CFAP54: variants seen among roughly 807,000 people sequenced by gnomAD.
CFAP54 encodes cilia- and flagella-associated protein 54.
Under a neutral mutation model 370.4 loss-of-function variants are expected in CFAP54, and 290 were observed. The ratio of observed to expected loss-of-function variants is 0.78; its 90% confidence interval spans 0.71 to 0.86. The LOEUF (loss-of-function observed/expected upper bound fraction) is 0.86, where lower values mean the gene tolerates loss of function less well. Among genes scored for constraint, CFAP54 ranks in the 40% least tolerant of loss-of-function variants. The pLI is 0.00. For synonymous variants in CFAP54, 1,206 were observed against 1,236.5 expected (o/e 0.98, Z 0.52); for missense variants, 3,399 against 3,528.7 (o/e 0.96, Z 0.93).
intron 15 of CFAP54, among the ~76,000 whole-genome samples, chr12:96,548,394 AC>A (rs1243382830): frequency 6.6e-6 from 1 of 151,748 alleles, no homozygotes; most frequent in Non-Finnish European, 1.5e-5. Flanking sequence ...ATAACATGCC[AC>A]CCCCCCTCAC....
chr12:96,687,109 C>T (rs907172281), intron 42 of CFAP54, among the ~76,000 whole-genome samples: 1 of 152,264 alleles, frequency 6.6e-6, no homozygotes. Context: ...TTCCCCCACA[C>T]CTGCCTCTCT....
At chr12:96,536,926 C>A (rs752286422) in intron 12 of CFAP54, among the ~76,000 whole-genome samples, 1 of 152,000 alleles carries the variant, frequency 6.6e-6, no homozygotes, top group Non-Finnish European at 1.5e-5. Flanking sequence ...CTGTGCCTGG[C>A]CCTCATTAAT....
At chr12:96,784,071 C>T (rs1958606418) in intron 60 of CFAP54, among the ~76,000 whole-genome samples, 1 of 152,144 alleles carries the variant, frequency 6.6e-6, no homozygotes, top group Admixed American at 6.5e-5. Context: ...AATGATTAGA[C>T]TCCTGTTTAT....
chr12:96,789,432 T>C (rs922196523), intron 62 of CFAP54, among the ~76,000 whole-genome samples: 5 of 152,186 alleles, frequency 3.3e-5, no homozygotes, highest in African/African-American at 1.2e-4. Context: ...ACTGAGACTA[T>C]TTTTGAGGAT....
At chr12:96,534,532 T>C (rs763943775) in intron 11 of CFAP54, among the ~76,000 whole-genome samples, 11 of 152,160 alleles carry the variant, frequency 7.2e-5, no homozygotes, top group African/African-American at 9.7e-5. Flanking sequence ...TCCGGCTTAG[T>C]TGGATAAGAG....
intron 52 of CFAP54, 143 bp downstream of exon 52, chr12:96,742,729 T>C (rs934422898): frequency 4.2e-5 from 35 of 840,724 alleles, no homozygotes; most frequent in Non-Finnish European, 6.1e-5. Context: ...TTCAGGTTAT[T>C]AATATATAGG....
At chr12:96,595,094 A>G (rs1238451198) in intron 25 of CFAP54, among the ~76,000 whole-genome samples, 1 of 152,026 alleles carries the variant, frequency 6.6e-6, no homozygotes, top group African/African-American at 2.4e-5. Context: ...TCCTTTTCTG[A>G]GTTCACTGTT....
intron 42 of CFAP54, 33 bp downstream of exon 42, chr12:96,685,271 G>A: frequency 6.3e-7 from 1 of 1,594,612 alleles, no homozygotes; most frequent in Admixed American, 1.7e-5. Context: ...CCCCGTACTA[G>A]CTAACAGCTT....
chr12:96,527,532 C>A, intron 9 of CFAP54, 88 bp downstream of exon 9: 1 of 753,438 alleles, frequency 1.3e-6, no homozygotes, highest in Non-Finnish European at 1.9e-6. Flanking sequence ...ACATAGGAAA[C>A]TGATAACATT....
chr12:96,738,736 A>G (rs1032169138), intron 50 of CFAP54, among the ~76,000 whole-genome samples: 3 of 148,856 alleles, frequency 2.0e-5, no homozygotes, highest in East Asian at 2.1e-4. Flanking sequence ...TCAGCCTCCC[A>G]AGTAGCTAGG....
intron 5 of CFAP54, among the ~76,000 whole-genome samples, chr12:96,513,705 T>C (rs1955199055): frequency 6.6e-6 from 1 of 152,004 alleles, no homozygotes; most frequent in African/African-American, 2.4e-5. Context: ...CGTGCCACTT[T>C]GCACTCTAGC....
intron 64 of CFAP54, among the ~76,000 whole-genome samples, chr12:96,814,403 A>C (rs984839102): frequency 2.6e-5 from 4 of 152,210 alleles, no homozygotes; most frequent in African/African-American, 9.7e-5. Context: ...AGGGTCAGAG[A>C]GATTAAGTGA....
At position 96,742,457 on chromosome 12, in the gene CFAP54, G is replaced by T; in HGVS notation, c.7090G>T (p.Asp2364Tyr). Residue 2364 changes from aspartate to tyrosine, a missense_variant, in exon 52 of 68, where the codon GAC (aspartate) becomes TAC (tyrosine). This residue lies in a region of CFAP54 where 2,796 missense variants were observed against 2,869.7 expected (regional missense o/e 0.97). Coordinates refer to ENST00000524981, the MANE Select transcript of CFAP54 (RefSeq NM_001306084.2). ...PGTSVTENKD[D>Y]SEFLDPISLN... ...TGTTTAGGTCACTGAAAATAAAGAT[G>T]ACAGTGAGTTTTTAGATCCTATTTC... The T allele has an allele frequency of 1.3e-6, 2 of 1,583,512 alleles. No homozygotes were observed. The highest frequency in any genetic ancestry group is 1.7e-6 in the Non-Finnish European group (2 of 1,153,978).
At chr12:96,715,318 C>T (rs542198151) in intron 48 of CFAP54, among the ~76,000 whole-genome samples, 19 of 152,044 alleles carry the variant, frequency 1.2e-4, no homozygotes, top group African/African-American at 4.1e-4. Flanking sequence ...TCAGGGGTGC[C>T]GATGTCAACA....
chr12:96,576,847 A>G (rs905647050), intron 20 of CFAP54, 86 bp downstream of exon 20: 13 of 1,121,640 alleles, frequency 1.2e-5, no homozygotes, highest in African/African-American at 1.6e-5. Flanking sequence ...GATTGCTTTT[A>G]GGAACTGGAT....
rs551354573 is a variant in CFAP54, at chr12:96,607,911, G to A, written c.3639+9144G>A. On this transcript the variant is annotated intron_variant, in intron 26 of 67. Transcript: ENST00000524981. The stretch of plus-strand genomic sequence containing the variant: ...TTAATATCCAGGAAAGATATCATTC[G>A]TCAGGGCAAAATAAACATTTTCAGA... Among the ~76,000 whole-genome samples the A allele has an allele frequency of 4.6e-5, 7 of 151,930 alleles. No individual in the cohort carries two copies. In the South Asian group the frequency reaches 1.0e-3, roughly 23 times the overall value.
chr12:96,860,905 C>G lies in CFAP54; in HGVS notation c.9258C>G (p.Ser3086Arg), dbSNP rs747932816. The change falls in exon 67 of 68, where the codon AGC (serine) becomes AGG (arginine). Residue 3086 changes from serine to arginine, a missense_variant. Physicochemically the swap from Ser to Arg is moderately radical, Grantham distance 110 (BLOSUM62 -1). Coordinates refer to ENST00000524981, the MANE Select transcript of CFAP54 (RefSeq NM_001306084.2). The stretch of plus-strand genomic sequence containing the variant: ...ATGGTTGCATTTTATCAGGAGGAAG[C>G]CTTTTCAACTGGATAGTGTCAATTA... ...LANGCILSGG[S>R]LFNWIVSIIP 3.8e-5 allele frequency: 59 copies of G among 1,534,714 alleles called. No individual in the cohort carries two copies. In the South Asian group the frequency reaches 5.4e-4, roughly 14 times the overall value.
At chr12:96,831,728 T>C (rs1959171795) in intron 66 of CFAP54, among the ~76,000 whole-genome samples, 1 of 152,194 alleles carries the variant, frequency 6.6e-6, no homozygotes, top group Non-Finnish European at 1.5e-5. Context: ...GCTATCTTCA[T>C]CTGTGAGTTC....
chr12:96,755,534 T>C (rs927711611), intron 56 of CFAP54, among the ~76,000 whole-genome samples: 2 of 152,198 alleles, frequency 1.3e-5, no homozygotes, highest in Admixed American at 1.3e-4. Flanking sequence ...TATTTGTCTT[T>C]ATGTGCCTGG....
Sources: allele counts gnomAD v4.1 joint callset (sites outside exome capture counted in the v4.1 genomes callset), GRCh38; gene constraint gnomAD v4.1.1; regional missense constraint gnomAD v4.1.1; transcripts MANE v1.5; gene names NCBI Gene and HGNC (gene_info 2026-07-23, HGNC 2026-07-21).